Variants in ATP10B observed in about 807,000 individuals in gnomAD.
ATP10B encodes phospholipid-transporting ATPase VB.
A neutral mutation model predicts 141.2 loss-of-function variants in ATP10B; 122 were observed. The observed-to-expected ratio is 0.86, with a 90% CI of 0.75 to 1.00. ATP10B has a LOEUF of 1.00. Ranked by LOEUF, ATP10B falls within the 50% of genes least tolerant of loss-of-function variation. The pLI, the probability that ATP10B is intolerant of heterozygous loss-of-function variation, is 0.00. For synonymous variants in ATP10B, 685 were observed against 692.0 expected (o/e 0.99, Z 0.16); for missense variants, 1,876 against 1,825.3 (o/e 1.03, Z -0.51).
rs1445733226 is a variant in ATP10B, at chr5:160,589,632, G to A, written c.3710C>T (p.Thr1237Ile). ...CATTGCCTGGTGCAAAAGGATTGTGGTGAGGGAGATGGTGTTGATTGGTGT... is the reference window on the plus strand; with the variant it reads ...CATTGCCTGGTGCAAAAGGATTGTGATGAGGGAGATGGTGTTGATTGGTGT... ...FGTPINTISL[T>I]TILLHQAMEM... Residue 1237 changes from threonine (T) to isoleucine (I), a missense_variant, in exon 24 of 26, where the codon ACC (threonine) becomes ATC (isoleucine). Physicochemically the swap from Thr to Ile is moderately conservative, Grantham distance 89 (BLOSUM62 -1). Transcript: ENST00000327245. The A allele has an allele frequency of 6.2e-7, 1 of 1,614,136 alleles. No homozygotes were observed. The highest frequency in any genetic ancestry group is 1.1e-5 in the South Asian group (1 of 91,070).
chr5:160,703,624 CTGGGT>C (rs1764806611), intron 3 of ATP10B, among the ~76,000 whole-genome samples: 1 of 151,920 alleles, frequency 6.6e-6, no homozygotes. Flanking sequence ...CTACAGGCAC[CTGGGT>C]AATTTTTGAA....
intron 24 of ATP10B, among the ~76,000 whole-genome samples, chr5:160,589,330 T>G (rs1448574277): frequency 2.0e-5 from 3 of 152,176 alleles, no homozygotes; most frequent in African/African-American, 7.2e-5. Flanking sequence ...GAACTTTTTA[T>G]CAATTATCTA....
intron 6 of ATP10B, chr5:160,685,398 A>G (rs2127743868): frequency 2.1e-6 from 1 of 468,122 alleles, no homozygotes; most frequent in African/African-American, 2.0e-5. Flanking sequence ...GTGTGTATCC[A>G]CCAGGCCACT....
intron 3 of ATP10B, among the ~76,000 whole-genome samples, chr5:160,701,766 C>G (rs189072712): frequency 1.3e-5 from 2 of 151,294 alleles, no homozygotes; most frequent in Non-Finnish European, 3.0e-5. Flanking sequence ...GGAGAAGTCA[C>G]CCTTTTATTC....
chr5:160,783,562 T>TACACACACAC (rs57796332), intron 2 of ATP10B, among the ~76,000 whole-genome samples: 244 of 131,310 alleles, frequency 1.9e-3, no homozygotes, highest in Middle Eastern at 0.015. Context: ...ATATATATGA[T>TACACACACAC]ACACACACAC....
At chr5:160,615,249 G>A (rs945733919) in intron 17 of ATP10B, among the ~76,000 whole-genome samples, 3 of 151,862 alleles carry the variant, frequency 2.0e-5, no homozygotes, top group Admixed American at 6.6e-5. Context: ...CCCCCAGCCC[G>A]GGACCTCCAG....
intron 24 of ATP10B, among the ~76,000 whole-genome samples, chr5:160,581,105 C>A (rs903308209): frequency 6.6e-6 from 1 of 152,136 alleles, no homozygotes; most frequent in Non-Finnish European, 1.5e-5. Flanking sequence ...TTCCTGGATT[C>A]ATTGATTTTT....
the ATP10B span, among the ~76,000 whole-genome samples, chr5:160,916,987 C>T: frequency 2.5e-3 from 374 of 152,278 alleles, 10 homozygotes; most frequent in Admixed American, 0.023. Context: ...TCTGAGTATA[C>T]GTGCAAGTGT....
the ATP10B span, among the ~76,000 whole-genome samples, chr5:160,915,750 G>A: frequency 6.6e-6 from 1 of 152,128 alleles, no homozygotes; most frequent in African/African-American, 2.4e-5. Flanking sequence ...TGTAGGGTTT[G>A]GAAGAGATGA....
the ATP10B span, among the ~76,000 whole-genome samples, chr5:160,859,967 C>T: frequency 7.2e-5 from 11 of 152,000 alleles, no homozygotes; most frequent in South Asian, 2.3e-3. Flanking sequence ...GTAGAAATAG[C>T]TTAATTTTTA....
In ATP10B at chr5:160,756,994, CTTG is replaced by C. The variant is rs889542495; in HGVS notation, c.-331+28562_-331+28564del. On this transcript the variant is annotated intron_variant, in intron 2 of 25. Coordinates refer to ENST00000327245, the MANE Select transcript of ATP10B (RefSeq NM_025153.3). ...GATTTTTTTAAACAGTTCACGCTTT[CTTG>C]TTGTTTTAAAGGAATCTTCACTGAG... 3.8e-4 allele frequency among the ~76,000 whole-genome samples: 58 copies of C among 151,938 alleles called. 1 individual carries two copies. Among genetic ancestry groups the C allele is most frequent in the Middle Eastern group, 3.4e-3 (1 of 294 alleles).
intron 10 of ATP10B, among the ~76,000 whole-genome samples, chr5:160,637,528 C>G (rs1430333366): frequency 6.6e-6 from 1 of 152,182 alleles, no homozygotes; most frequent in Non-Finnish European, 1.5e-5. Context: ...TGTGACAGCC[C>G]ATAGCAACAG....
At chr5:160,797,871 G>T (rs555141648) in intron 1 of ATP10B, among the ~76,000 whole-genome samples, 12 of 151,020 alleles carry the variant, frequency 7.9e-5, no homozygotes, top group Admixed American at 7.9e-4. Context: ...CAGGAGAATC[G>T]CTTGAGCCCA....
chr5:160,911,131 G>T, the ATP10B span, among the ~76,000 whole-genome samples: 1 of 152,230 alleles, frequency 6.6e-6, no homozygotes, highest in African/African-American at 2.4e-5. Flanking sequence ...GGTAGAGGCT[G>T]ACTTTCAAAC....
the ATP10B span, among the ~76,000 whole-genome samples, chr5:160,888,399 C>T: frequency 6.6e-6 from 1 of 152,200 alleles, no homozygotes; most frequent in East Asian, 1.9e-4. Flanking sequence ...AGAAGTTTTG[C>T]TTCTCATAAA....
At chr5:160,749,883 C>CATGGCCCTATCTT (rs1342386259) in intron 2 of ATP10B, among the ~76,000 whole-genome samples, 1 of 152,190 alleles carries the variant, frequency 6.6e-6, no homozygotes, top group African/African-American at 2.4e-5. Context: ...TGGCACTCTA[C>CATGGCCCTATCTT]CATGTGCCAC....
intron 13 of ATP10B, among the ~76,000 whole-genome samples, chr5:160,627,326 C>T (rs1355153968): frequency 6.6e-6 from 1 of 152,172 alleles, no homozygotes; most frequent in Non-Finnish European, 1.5e-5. Context: ...TTTGCCCCTT[C>T]ATTGAGCTGT....
chr5:160,906,681 A>G, the ATP10B span, among the ~76,000 whole-genome samples: 4 of 152,214 alleles, frequency 2.6e-5, no homozygotes, highest in Non-Finnish European at 4.4e-5. Context: ...TGCTGCCAGG[A>G]GTAGCCACGG....
chr5:160,565,767 CAG>C lies in ATP10B; in HGVS notation c.4070_4071del (p.Pro1357ArgfsTer29). Reference sequence around the variant, plus strand: ...TGAGTTGGTCGAGCCACTTCGGGGACAGGGGCAGGCCTCTGTCTGCTTCTCCA... The same window carrying C: ...TGAGTTGGTCGAGCCACTTCGGGGACGGGCAGGCCTCTGTCTGCTTCTCCA... Reference protein sequence around the residue: ...QSWRSRQRPAPVPEVARPTHH... With the variant: ...QSWRSRQRPAXVPEVARPTHH... On this transcript the variant is annotated frameshift_variant, in exon 26 of 26. Coordinates refer to ENST00000327245, the MANE Select transcript of ATP10B (RefSeq NM_025153.3). LOFTEE classifies it low-confidence loss of function (END_TRUNC). 6.2e-7 allele frequency: 1 copy of C among 1,614,074 alleles called. No individual in the cohort carries two copies. The highest frequency in any genetic ancestry group is 1.3e-5 in the African/African-American group (1 of 75,032).
Sources: gnomAD v4.1 joint callset for allele counts (sites outside exome capture counted in the v4.1 genomes callset) on GRCh38, gnomAD v4.1.1 for gene constraint, MANE v1.5 for transcripts, NCBI Gene and HGNC (gene_info 2026-07-23, HGNC 2026-07-21) for gene names.